LYN: variants seen among roughly 807,000 people sequenced by gnomAD.
LYN encodes LYN proto-oncogene, Src family tyrosine kinase.
Under a neutral mutation model 65.0 loss-of-function variants are expected in LYN, and 12 were observed. That is an observed-to-expected ratio of 0.18 (90% CI 0.12 to 0.30). The LOEUF is 0.30. LYN is among the 10% of genes least tolerant of loss of function. The pLI is 1.00. For missense variants in LYN, 380 were observed against 623.2 expected, an observed-to-expected ratio of 0.61 and a Z score of 4.16; for synonymous variants, 222 against 221.2, an observed-to-expected ratio of 1.00 and a Z score of -0.03.
At chr8:55,925,367 T>C (rs1806077867) in intron 1 of LYN, among the ~76,000 whole-genome samples, 2 of 152,142 alleles carry the variant, frequency 1.3e-5, no homozygotes, top group African/African-American at 4.8e-5. Flanking sequence ...CAAGCAGTCC[T>C]CCCGCCTCAC....
intron 12 of LYN, among the ~76,000 whole-genome samples, chr8:56,008,448 TAC>T (rs1299812141): frequency 1.3e-5 from 2 of 152,242 alleles, no homozygotes; most frequent in African/African-American, 4.8e-5. Flanking sequence ...TTGCATGACA[TAC>T]ATTCTTCTCT....
intron 1 of LYN, among the ~76,000 whole-genome samples, chr8:55,915,866 A>AGAT (rs2130422063): frequency 6.6e-6 from 1 of 152,292 alleles, no homozygotes; most frequent in Non-Finnish European, 1.5e-5. Flanking sequence ...GAGAGAACAA[A>AGAT]GATGATGATT....
intron 1 of LYN, among the ~76,000 whole-genome samples, chr8:55,906,438 C>A (rs777543805): frequency 6.6e-6 from 1 of 152,120 alleles, no homozygotes; most frequent in Non-Finnish European, 1.5e-5. Context: ...CGGTTCACTG[C>A]AACTTCCACC....
rs1409561946 is a variant in LYN at position 56,011,041 on chromosome 8, AT to A, written c.*934del. 3.0e-5 allele frequency: 7 copies of A among 232,146 alleles called. No individual in the cohort carries two copies. The East Asian group carries it at 3.7e-4, about 12-fold the overall frequency. 14.4% of individuals were successfully genotyped at this position (232,146 alleles called of 1,614,324 possible). On this transcript the variant is annotated 3_prime_UTR_variant, in exon 13 of 13. Transcript: ENST00000519728. Reference sequence around the variant, plus strand: ...AAGAGTTTCCTTTGTTGCTTCAAATATTTGAACATTATGTTAAAGATCAAGT... The same window carrying A: ...AAGAGTTTCCTTTGTTGCTTCAAATATTGAACATTATGTTAAAGATCAAGT...
At chr8:55,955,354 T>C (rs1035980518) in intron 8 of LYN, 2 of 152,204 alleles carry the variant, frequency 1.3e-5, no homozygotes, top group African/African-American at 4.8e-5. Flanking sequence ...GACTTCACAT[T>C]CTCCGTGTGG....
chr8:55,949,477 C>T (rs971344145), intron 4 of LYN, among the ~76,000 whole-genome samples: 13 of 152,206 alleles, frequency 8.5e-5, no homozygotes, highest in African/African-American at 2.4e-4. Context: ...GTTCTCCACC[C>T]GCCTTCACCA....
intron 2 of LYN, 131 bp downstream of exon 2, chr8:55,942,122 T>C: frequency 1.1e-6 from 1 of 894,724 alleles, no homozygotes; most frequent in Non-Finnish European, 1.7e-6. Flanking sequence ...TAATTTTTGA[T>C]ATGCTTTGTA....
intron 7 of LYN, 90 bp from the exon 8 acceptor site, chr8:55,953,742 T>G: frequency 8.0e-7 from 1 of 1,249,446 alleles, no homozygotes. Context: ...GGTTGGACAC[T>G]ATAAGGCTAG....
At chr8:55,959,469 C>T (rs138318076) in intron 8 of LYN, among the ~76,000 whole-genome samples, 3 of 152,264 alleles carry the variant, frequency 2.0e-5, no homozygotes, top group African/African-American at 7.2e-5. Flanking sequence ...GTTCAATTGA[C>T]AGCATTCAAA....
chr8:55,888,572 A>C (rs1272982175), intron 1 of LYN, among the ~76,000 whole-genome samples: 1 of 152,216 alleles, frequency 6.6e-6, no homozygotes, highest in Non-Finnish European at 1.5e-5. Flanking sequence ...ACTCAAGGCT[A>C]CTTCTCTAGA....
At chr8:55,910,921 GAGTCT>G (rs1805581778) in intron 1 of LYN, among the ~76,000 whole-genome samples, 1 of 140,860 alleles carries the variant, frequency 7.1e-6, no homozygotes, top group African/African-American at 2.6e-5. Context: ...TTTTGAGACA[GAGTCT>G]CGCTCTGACG....
intron 1 of LYN, among the ~76,000 whole-genome samples, chr8:55,935,754 C>A (rs1806413572): frequency 6.9e-6 from 1 of 144,948 alleles, no homozygotes; most frequent in African/African-American, 2.6e-5. Flanking sequence ...GCACTCCAGC[C>A]TGGGCAACAG....
At chr8:55,927,349 C>T (rs1464786521) in intron 1 of LYN, among the ~76,000 whole-genome samples, 1 of 152,140 alleles carries the variant, frequency 6.6e-6, no homozygotes, top group African/African-American at 2.4e-5. Flanking sequence ...CAGTATGTAG[C>T]CTTTTCAGAT....
In LYN at chr8:55,966,159, A is replaced by G. The variant is rs558226961; in HGVS notation, c.791-556A>G. Among the ~76,000 whole-genome samples, 494 of 152,246 alleles carry G rather than the reference A, an allele frequency of 3.2e-3. 1 individual carries two copies. The highest frequency in any genetic ancestry group is 5.4e-3 in the Non-Finnish European group (365 of 68,006). ...AAATAAATATTAGCCCTCATGGTAG[A>G]GTGCCAATAAAAACGTTTTTTTGCT... On this transcript the variant is annotated intron_variant, in intron 8 of 12. Coordinates refer to ENST00000519728, the MANE Select transcript of LYN (RefSeq NM_002350.4).
At chr8:55,981,613 C>G (rs1172005324) in intron 10 of LYN, among the ~76,000 whole-genome samples, 1 of 152,156 alleles carries the variant, frequency 6.6e-6, no homozygotes, top group African/African-American at 2.4e-5. Flanking sequence ...ACCTCTGCCT[C>G]CCAAAGTGCT....
chr8:55,951,104 C>T (rs181816758), intron 6 of LYN, among the ~76,000 whole-genome samples: 1 of 151,744 alleles, frequency 6.6e-6, no homozygotes, highest in East Asian at 2.0e-4. Context: ...TTAGCCAGGC[C>T]TGGCAGCACA....
At chr8:55,951,892 T>G in intron 6 of LYN, 74 bp from the exon 7 acceptor site, 1 of 1,142,226 alleles carries the variant, frequency 8.8e-7, no homozygotes, top group East Asian at 2.5e-5. Flanking sequence ...TCACAAAATG[T>G]GTACTGCAGT....
At chr8:55,962,236 T>C (rs1450964810) in intron 8 of LYN, among the ~76,000 whole-genome samples, 1 of 152,200 alleles carries the variant, frequency 6.6e-6, no homozygotes, top group Non-Finnish European at 1.5e-5. Flanking sequence ...TCCATGCTTT[T>C]GGGTGTGGCT....
intron 2 of LYN, among the ~76,000 whole-genome samples, chr8:55,943,582 A>C (rs570145823): frequency 6.6e-6 from 1 of 151,338 alleles, no homozygotes; most frequent in Non-Finnish European, 1.5e-5. Context: ...TCTCAAAAAA[A>C]AAAAAAAAAA....
Sources: gnomAD v4.1 joint callset for allele counts (sites outside exome capture counted in the v4.1 genomes callset) on GRCh38, gnomAD v4.1.1 for gene constraint, MANE v1.5 for transcripts, NCBI Gene and HGNC (gene_info 2026-07-23, HGNC 2026-07-21) for gene names.